The following OPCML variants were observed in gnomAD, a reference collection of about 807,000 sequenced individuals.
The protein encoded by OPCML is opioid-binding protein/cell adhesion molecule.
Under a neutral mutation model 37.8 loss-of-function variants are expected in OPCML, and 13 were observed. The ratio of observed to expected loss-of-function variants is 0.34; its 90% CI spans 0.22 to 0.55. OPCML has a LOEUF of 0.55. OPCML is among the 20% of genes least tolerant of loss of function. OPCML has a pLI of 0.91. For missense variants in OPCML, 341 were observed against 435.6 expected, an observed-to-expected ratio of 0.78 and a Z score of 1.93; for synonymous variants, 176 against 168.8, an observed-to-expected ratio of 1.04 and a Z score of -0.33.
At chr11:133,240,962 C>T (rs1454389631) in intron 1 of OPCML, among the ~76,000 whole-genome samples, 1 of 152,148 alleles carries the variant, frequency 6.6e-6, no homozygotes, top group Non-Finnish European at 1.5e-5. Context: ...AGCAGGCTAC[C>T]CTATATTTGT....
intron 2 of OPCML, among the ~76,000 whole-genome samples, chr11:132,658,972 C>T (rs1213557278): frequency 6.6e-6 from 1 of 152,168 alleles, no homozygotes; most frequent in Non-Finnish European, 1.5e-5. Flanking sequence ...ACAGGCATCC[C>T]TTGCACACCA....
intron 1 of OPCML, among the ~76,000 whole-genome samples, chr11:133,479,897 G>A (rs1158680629): frequency 1.3e-5 from 2 of 152,202 alleles, no homozygotes; most frequent in African/African-American, 4.8e-5. Flanking sequence ...CCTTCGAAGA[G>A]CACTGATCTC....
chr11:132,461,502 C>T lies in OPCML; in HGVS notation c.506-24143G>A, dbSNP rs118090063. 2.2e-3 allele frequency among the ~76,000 whole-genome samples: 335 copies of T among 152,242 alleles called. 7 individuals carry two copies. In the East Asian group the frequency reaches 0.051, roughly 23 times the overall value. ...GACGCTATACATCTCTTCAATCTGA[C>T]GGTTTATCTGGATCCTTGGTAATTC... On this transcript the variant is annotated intron_variant, in intron 4 of 7. Coordinates refer to ENST00000524381, the MANE Select transcript of OPCML (RefSeq NM_001012393.5).
intron 1 of OPCML, among the ~76,000 whole-genome samples, chr11:133,325,593 A>G (rs997230536): frequency 2.6e-5 from 4 of 152,182 alleles, no homozygotes; most frequent in African/African-American, 9.7e-5. Context: ...AGTAGATTAG[A>G]ATATATATAA....
chr11:133,132,183 G>A (rs1002873423), intron 1 of OPCML, among the ~76,000 whole-genome samples: 4 of 152,050 alleles, frequency 2.6e-5, no homozygotes, highest in East Asian at 1.9e-4. Flanking sequence ...ATAATTTAAC[G>A]CTAAGAAATA....
chr11:132,849,108 C>T (rs367846317), intron 2 of OPCML, among the ~76,000 whole-genome samples: 97 of 152,282 alleles, frequency 6.4e-4, no homozygotes, highest in African/African-American at 2.1e-3. Flanking sequence ...AAATGTAGTT[C>T]GCTTCATGTT....
chr11:133,273,631 G>C (rs2155535), intron 1 of OPCML, among the ~76,000 whole-genome samples: 38,804 of 152,062 alleles, frequency 0.26, 5,994 homozygotes, highest in East Asian at 0.73. Flanking sequence ...ATTTTCAGTA[G>C]TCCCTCAAGG....
At chr11:133,333,122 G>C (rs1943661195) in intron 1 of OPCML, among the ~76,000 whole-genome samples, 1 of 152,054 alleles carries the variant, frequency 6.6e-6, no homozygotes, top group Admixed American at 6.6e-5. Flanking sequence ...GCAATGGTGT[G>C]ATCTCAGCAC....
intron 1 of OPCML, among the ~76,000 whole-genome samples, chr11:133,320,571 C>T (rs1326487073): frequency 1.3e-5 from 2 of 152,064 alleles, no homozygotes; most frequent in Non-Finnish European, 2.9e-5. Context: ...CTTATCACCA[C>T]CTCCCCTTTC....
chr11:132,721,540 C>G (rs1476941632), intron 2 of OPCML, among the ~76,000 whole-genome samples: 1 of 152,138 alleles, frequency 6.6e-6, no homozygotes, highest in Admixed American at 6.5e-5. Context: ...AAACTCATCT[C>G]TGGGAGCTGG....
At chr11:133,007,921 C>T in intron 1 of OPCML, 2 of 985,412 alleles carry the variant, frequency 2.0e-6, no homozygotes, top group Non-Finnish European at 2.4e-6. Flanking sequence ...ATTTGAGGTC[C>T]ATTGTGCATT....
intron 4 of OPCML, among the ~76,000 whole-genome samples, chr11:132,518,119 G>C (rs1345112978): frequency 6.6e-6 from 1 of 152,106 alleles, no homozygotes; most frequent in Non-Finnish European, 1.5e-5. Context: ...ATGCAGCCTT[G>C]TTAGATAGGT....
At chr11:132,698,472 C>G (rs574925988) in intron 2 of OPCML, among the ~76,000 whole-genome samples, 4 of 152,036 alleles carry the variant, frequency 2.6e-5, no homozygotes, top group African/African-American at 9.7e-5. Flanking sequence ...GTCCTTTGCC[C>G]ATTTTTAATA....
rs150185514 is a variant in OPCML at position 132,645,852 on chromosome 11, G to A, written c.379+11235C>T. Among the ~76,000 whole-genome samples the A allele has an allele frequency of 4.0e-3, 611 of 152,318 alleles. 2 individuals are homozygous for A. The highest frequency in any genetic ancestry group is 0.014 in the African/African-American group (585 of 41,570). ...GTCACTTGTGGCTAATGGCTACCAC[G>A]TTGAAGAGTGTAAATACAGAGCATT... On this transcript the variant is annotated intron_variant, in intron 3 of 7. Transcript: ENST00000524381.
intron 1 of OPCML, among the ~76,000 whole-genome samples, chr11:133,039,436 T>A (rs973577958): frequency 1.3e-5 from 2 of 152,140 alleles, no homozygotes; most frequent in Non-Finnish European, 2.9e-5. Context: ...CAGAGGCGCT[T>A]GGGTTGGGTG....
chr11:133,290,442 C>T (rs1198364780), intron 1 of OPCML, among the ~76,000 whole-genome samples: 1 of 152,128 alleles, frequency 6.6e-6, no homozygotes, highest in Non-Finnish European at 1.5e-5. Flanking sequence ...ATTTACTCTC[C>T]CCCGTAAGGA....
At chr11:133,027,462 G>C (rs1193521880) in intron 1 of OPCML, among the ~76,000 whole-genome samples, 1 of 145,636 alleles carries the variant, frequency 6.9e-6, no homozygotes, top group Non-Finnish European at 1.5e-5. Flanking sequence ...GTCATATGTG[G>C]TCTATGTAGT....
At chr11:133,489,305 T>TAA (rs542297281) in intron 1 of OPCML, among the ~76,000 whole-genome samples, 1 of 145,038 alleles carries the variant, frequency 6.9e-6, no homozygotes, top group Non-Finnish European at 1.5e-5. Flanking sequence ...AAGAACGGTT[T>TAA]AAAAAAAAAA....
intron 1 of OPCML, among the ~76,000 whole-genome samples, chr11:133,452,409 A>C (rs1946597737): frequency 1.3e-5 from 2 of 151,448 alleles, no homozygotes; most frequent in Non-Finnish European, 2.9e-5. Flanking sequence ...CTTAATTAAA[A>C]ATATCATATA....
Sources: gnomAD v4.1 joint callset for allele counts (sites outside exome capture counted in the v4.1 genomes callset) on GRCh38, gnomAD v4.1.1 for gene constraint, MANE v1.5 for transcripts, NCBI Gene and HGNC (gene_info 2026-07-23, HGNC 2026-07-21) for gene names.